RTN4IP1: variants seen among roughly 807,000 people sequenced by gnomAD.
RTN4IP1 encodes NAD(P)H oxidoreductase RTN4IP1, mitochondrial.
Under a neutral mutation model 46.6 loss-of-function variants are expected in RTN4IP1, and 32 were observed. The observed-to-expected ratio is 0.69, with a 90% CI of 0.52 to 0.92. RTN4IP1 has a LOEUF of 0.92. RTN4IP1 is among the 40% of genes least tolerant of loss of function. The probability of loss-of-function intolerance (pLI) is 0.00; values close to 1 mark genes in which losing one functional copy is unlikely to be tolerated. For missense variants in RTN4IP1, 424 were observed against 485.8 expected (o/e 0.87, Z 1.20); for synonymous variants, 167 against 161.8 (o/e 1.03, Z -0.24).
intron 8 of RTN4IP1, among the ~76,000 whole-genome samples, chr6:106,576,239 G>A (rs1775222482): frequency 6.6e-6 from 1 of 152,210 alleles, no homozygotes; most frequent in Non-Finnish European, 1.5e-5. Flanking sequence ...CTGGAAGATG[G>A]GGTGAGACAG....
chr6:106,591,769 C>T (rs756117834), intron 6 of RTN4IP1, among the ~76,000 whole-genome samples: 8 of 152,030 alleles, frequency 5.3e-5, no homozygotes, highest in Non-Finnish European at 8.8e-5. Flanking sequence ...TCTCTTAAGC[C>T]TTTTTTAAGC....
At chr6:106,575,751 TG>T (rs1775211732) in intron 8 of RTN4IP1, among the ~76,000 whole-genome samples, 1 of 151,942 alleles carries the variant, frequency 6.6e-6, no homozygotes, top group South Asian at 2.1e-4. Flanking sequence ...AATGATTGAG[TG>T]GTAAGTGCAA....
intron 4 of RTN4IP1, among the ~76,000 whole-genome samples, chr6:106,617,753 A>G (rs758792755): frequency 6.6e-6 from 1 of 152,234 alleles, no homozygotes; most frequent in African/African-American, 2.4e-5. Flanking sequence ...TATTAAAAGT[A>G]AGTCCACAGA....
chr6:106,588,561 T>C (rs1396675522), intron 6 of RTN4IP1, among the ~76,000 whole-genome samples: 1 of 152,192 alleles, frequency 6.6e-6, no homozygotes, highest in East Asian at 1.9e-4. Context: ...TGACAGATAT[T>C]CAACTTCTTA....
chr6:106,598,534 G>T (rs1046425125), intron 5 of RTN4IP1, among the ~76,000 whole-genome samples: 4 of 151,204 alleles, frequency 2.6e-5, no homozygotes, highest in African/African-American at 9.7e-5. Context: ...CCCACTTTTT[G>T]ATGGGGTTGT....
Position 106,571,749 on chromosome 6 carries a change from C to T in RTN4IP1, c.*247G>A, listed in dbSNP as rs1343206323. On this transcript the variant is annotated 3_prime_UTR_variant, in exon 9 of 9. Coordinates refer to ENST00000369063, the MANE Select transcript of RTN4IP1 (RefSeq NM_032730.5). ...AGTAAAACAGAAGGTGCCACAACAA[C>T]CTGCAAAGCCAGTGTGAAGGAACAG... 2 of 413,978 alleles carry T rather than the reference C, an allele frequency of 4.8e-6. No individual in the cohort carries two copies. Among genetic ancestry groups the T allele is most frequent in the Non-Finnish European group, 8.7e-6 (2 of 228,610 alleles). 25.6% of individuals were successfully genotyped at this position (413,978 alleles called of 1,614,324 possible).
intron 8 of RTN4IP1, among the ~76,000 whole-genome samples, chr6:106,577,135 A>T (rs1453198101): frequency 5.3e-5 from 8 of 152,160 alleles, no homozygotes; most frequent in Admixed American, 5.2e-4. Flanking sequence ...ATCAATAAAC[A>T]TTCAAAAATA....
chr6:106,589,689 T>C (rs1434513091), intron 6 of RTN4IP1, among the ~76,000 whole-genome samples: 1 of 152,178 alleles, frequency 6.6e-6, no homozygotes, highest in Non-Finnish European at 1.5e-5. Context: ...CCCTTCTTGC[T>C]ATAAAACTCT....
chr6:106,573,639 T>A (rs527550133), intron 8 of RTN4IP1, among the ~76,000 whole-genome samples: 9 of 152,240 alleles, frequency 5.9e-5, no homozygotes, highest in Non-Finnish European at 1.2e-4. Flanking sequence ...ATTTTACAGA[T>A]GAATAAATCA....
At chr6:106,580,043 T>C (rs541425342) in intron 8 of RTN4IP1, among the ~76,000 whole-genome samples, 1 of 151,804 alleles carries the variant, frequency 6.6e-6, no homozygotes, top group Non-Finnish European at 1.5e-5. Context: ...TGAAACCCCA[T>C]CTCTACTAAA....
chr6:106,627,933 C>A (rs531452560), intron 1 of RTN4IP1, among the ~76,000 whole-genome samples: 1 of 144,156 alleles, frequency 6.9e-6, no homozygotes, highest in Admixed American at 7.1e-5. Flanking sequence ...CTGGGTGTGG[C>A]GGCGCATGTC....
chr6:106,590,425 T>C (rs1775624548), intron 6 of RTN4IP1, among the ~76,000 whole-genome samples: 1 of 151,692 alleles, frequency 6.6e-6, no homozygotes, highest in African/African-American at 2.4e-5. Flanking sequence ...CATCAGAAGA[T>C]ACAAGATCGG....
At chr6:106,626,106 C>G (rs979595763) in intron 1 of RTN4IP1, among the ~76,000 whole-genome samples, 6 of 151,980 alleles carry the variant, frequency 3.9e-5, no homozygotes, top group Non-Finnish European at 7.4e-5. Flanking sequence ...AAACACAAGC[C>G]GAGGGCTGGC....
chr6:106,595,686 A>T (rs6911551), intron 5 of RTN4IP1, among the ~76,000 whole-genome samples: 4 of 151,678 alleles, frequency 2.6e-5, no homozygotes, highest in Admixed American at 6.6e-5. Flanking sequence ...TTATTAGAGA[A>T]GGGGTTTCGC....
intron 5 of RTN4IP1, among the ~76,000 whole-genome samples, chr6:106,593,518 T>G (rs1775713448): frequency 6.6e-6 from 1 of 152,220 alleles, no homozygotes; most frequent in Non-Finnish European, 1.5e-5. Context: ...TTCTCAATCT[T>G]GTCCTAAGTA....
intron 8 of RTN4IP1, among the ~76,000 whole-genome samples, chr6:106,581,043 G>C (rs1775359815): frequency 1.3e-5 from 2 of 150,282 alleles, no homozygotes; most frequent in African/African-American, 4.9e-5. Context: ...AGAGAAAGAA[G>C]AGAGAGAGAG....
chr6:106,592,129 C>A, intron 6 of RTN4IP1, 35 bp downstream of exon 6: 2 of 1,603,334 alleles, frequency 1.2e-6, no homozygotes, highest in South Asian at 1.1e-5. Context: ...TGTCCTTGTT[C>A]CCACTCCCAG....
chr6:106,590,714 C>CAA (rs35293436), intron 6 of RTN4IP1, among the ~76,000 whole-genome samples: 11,770 of 68,422 alleles, frequency 0.17, 1,670 homozygotes, highest in East Asian at 0.35. Flanking sequence ...GAATCCATCT[C>CAA]AAAAAAAAAA....
upstream of RTN4IP1, among the ~76,000 whole-genome samples, chr6:106,629,928 TG>T (rs1397559263): frequency 1.3e-5 from 2 of 151,924 alleles, no homozygotes; most frequent in Non-Finnish European, 2.9e-5. Context: ...ATCTGTAGGG[TG>T]GTGAAGCGGC....
Sources: allele counts gnomAD v4.1 joint callset (sites outside exome capture counted in the v4.1 genomes callset), GRCh38; gene constraint gnomAD v4.1.1; transcripts MANE v1.5; gene names NCBI Gene and HGNC (gene_info 2026-07-23, HGNC 2026-07-21).